Variants in DIAPH3 observed in about 807,000 individuals in gnomAD.
DIAPH3 encodes the protein protein diaphanous homolog 3.
Under a neutral mutation model 144.3 loss-of-function variants are expected in DIAPH3, and 117 were observed. The observed-to-expected ratio is 0.81, with a 90% CI of 0.70 to 0.95. The LOEUF is 0.95. DIAPH3 is among the 40% of genes least tolerant of loss of function. The pLI, the probability that DIAPH3 is intolerant of heterozygous loss-of-function variation, is 0.00. For synonymous variants in DIAPH3, 519 were observed against 488.9 expected (o/e 1.06, Z -0.81); for missense variants, 1,421 against 1,412.7 (o/e 1.01, Z -0.09).
chr13:59,757,500 A>G (rs1373653759), intron 27 of DIAPH3, among the ~76,000 whole-genome samples: 1 of 141,342 alleles, frequency 7.1e-6, no homozygotes, highest in Non-Finnish European at 1.5e-5. Context: ...TCCCAGGTTC[A>G]CGCCATTCTC....
At chr13:59,875,098 T>C (rs1442251656) in intron 21 of DIAPH3, among the ~76,000 whole-genome samples, 1 of 152,192 alleles carries the variant, frequency 6.6e-6, no homozygotes, top group East Asian at 1.9e-4. Context: ...TGGAGAAACA[T>C]CTTTGATACT....
chr13:60,057,131 A>C (rs770432747), intron 4 of DIAPH3, among the ~76,000 whole-genome samples: 1 of 151,854 alleles, frequency 6.6e-6, no homozygotes, highest in South Asian at 2.1e-4. Context: ...TGATGATGTG[A>C]TCTTATAGCT....
Position 59,989,210 on chromosome 13 carries a change from G to GT in DIAPH3, c.1361+1947dup, listed in dbSNP as rs561367086. Among the ~76,000 whole-genome samples the GT allele has an allele frequency of 1.0e-3, 156 of 151,132 alleles. 2 individuals carry two copies. The highest frequency in any genetic ancestry group is 1.3e-3 in the Non-Finnish European group (91 of 67,624). On this transcript the variant is annotated intron_variant, in intron 12 of 27. Coordinates refer to ENST00000400324, the MANE Select transcript of DIAPH3 (RefSeq NM_001042517.2). ...AGGTAGATGAAACCAAAAAATGAAG[G>GT]TAAAAACCAAAAAAACAACACTCAT...
intron 25 of DIAPH3, among the ~76,000 whole-genome samples, chr13:59,802,149 A>G (rs2039934034): frequency 6.6e-6 from 1 of 152,208 alleles, no homozygotes; most frequent in Non-Finnish European, 1.5e-5. Context: ...TGACACACTG[A>G]TATTTCCATC....
intron 27 of DIAPH3, among the ~76,000 whole-genome samples, chr13:59,751,358 G>T (rs546222343): frequency 6.6e-6 from 1 of 152,176 alleles, no homozygotes; most frequent in Non-Finnish European, 1.5e-5. Context: ...GGGAGCCAAG[G>T]TTCTGGCTGT....
intron 24 of DIAPH3, among the ~76,000 whole-genome samples, chr13:59,825,171 A>G (rs996235634): frequency 6.6e-6 from 1 of 152,000 alleles, no homozygotes; most frequent in African/African-American, 2.4e-5. Flanking sequence ...ATATCTCCTA[A>G]TGCTATCCCT....
At chr13:59,901,258 A>G (rs530838939) in intron 20 of DIAPH3, among the ~76,000 whole-genome samples, 1 of 152,370 alleles carries the variant, frequency 6.6e-6, no homozygotes, top group East Asian at 1.9e-4. Flanking sequence ...TATGGCTGCA[A>G]GGCCATGCAT....
At chr13:59,906,186 T>C (rs2046727787) in intron 20 of DIAPH3, among the ~76,000 whole-genome samples, 1 of 152,198 alleles carries the variant, frequency 6.6e-6, no homozygotes. Context: ...TACAACTAAG[T>C]GTCCTTCATT....
chr13:59,867,740 C>G (rs1197022238), intron 21 of DIAPH3, among the ~76,000 whole-genome samples: 1 of 152,076 alleles, frequency 6.6e-6, no homozygotes, highest in Non-Finnish European at 1.5e-5. Flanking sequence ...TCTGTTCATA[C>G]TGCCCCCTTT....
intron 27 of DIAPH3, among the ~76,000 whole-genome samples, chr13:59,730,404 A>G (rs2035838580): frequency 6.6e-6 from 1 of 152,194 alleles, no homozygotes; most frequent in Non-Finnish European, 1.5e-5. Context: ...GTAGCATTTG[A>G]CTACACAAGG....
intron 25 of DIAPH3, among the ~76,000 whole-genome samples, chr13:59,784,223 C>A (rs933281347): frequency 6.7e-6 from 1 of 148,792 alleles, no homozygotes; most frequent in East Asian, 2.0e-4. Context: ...GCTGGGACTA[C>A]AGGTGCACGC....
intron 20 of DIAPH3, among the ~76,000 whole-genome samples, chr13:59,907,191 A>G (rs2046784037): frequency 6.6e-6 from 1 of 152,212 alleles, no homozygotes; most frequent in Non-Finnish European, 1.5e-5. Flanking sequence ...TCAAATATAC[A>G]CCAATTTCTC....
At chr13:59,860,529 G>A (rs1019112173) in intron 22 of DIAPH3, among the ~76,000 whole-genome samples, 1 of 152,094 alleles carries the variant, frequency 6.6e-6, no homozygotes, top group Non-Finnish European at 1.5e-5. Flanking sequence ...AGGAGGTCAG[G>A]AGATCGAGAC....
At chr13:59,929,071 G>T (rs1265997170) in intron 17 of DIAPH3, among the ~76,000 whole-genome samples, 1 of 152,132 alleles carries the variant, frequency 6.6e-6, no homozygotes, top group Non-Finnish European at 1.5e-5. Flanking sequence ...GAAACTTTGA[G>T]TATCAAGATG....
chr13:59,971,798 T>G (rs2050397251), intron 15 of DIAPH3, among the ~76,000 whole-genome samples: 1 of 152,178 alleles, frequency 6.6e-6, no homozygotes, highest in South Asian at 2.1e-4. Flanking sequence ...ATTCTGTGTA[T>G]GTGCCAACCT....
At chr13:59,854,201 A>C (rs2043136595) in intron 22 of DIAPH3, among the ~76,000 whole-genome samples, 1 of 152,152 alleles carries the variant, frequency 6.6e-6, no homozygotes, top group African/African-American at 2.4e-5. Context: ...CTGAGTAGCC[A>C]CTAGAAGCTG....
intron 17 of DIAPH3, among the ~76,000 whole-genome samples, chr13:59,965,467 T>C (rs1349066224): frequency 6.6e-6 from 1 of 150,862 alleles, no homozygotes; most frequent in Non-Finnish European, 1.5e-5. Flanking sequence ...CCAACACCAA[T>C]AACCTGTTAG....
At chr13:59,866,683 A>G (rs1170855530) in intron 21 of DIAPH3, among the ~76,000 whole-genome samples, 1 of 152,138 alleles carries the variant, frequency 6.6e-6, no homozygotes. Context: ...ACAAAATATC[A>G]TATGATTGAA....
chr13:60,068,272 T>C (rs934913652), intron 4 of DIAPH3, among the ~76,000 whole-genome samples: 3 of 152,186 alleles, frequency 2.0e-5, no homozygotes, highest in African/African-American at 4.8e-5. Flanking sequence ...TCTTTTTTCA[T>C]AGACATTTCA....
Sources: gnomAD v4.1 joint callset for allele counts (sites outside exome capture counted in the v4.1 genomes callset) on GRCh38, gnomAD v4.1.1 for gene constraint, MANE v1.5 for transcripts, NCBI Gene and HGNC (gene_info 2026-07-23, HGNC 2026-07-21) for gene names.